The following LRCH3 variants were observed in gnomAD, a reference collection of about 807,000 sequenced individuals.
LRCH3 encodes the protein leucine rich repeats and calponin homology domain containing 3.
Under a neutral mutation model 104.5 loss-of-function variants are expected in LRCH3, and 68 were observed. The observed-to-expected ratio is 0.65, with a 90% CI of 0.54 to 0.80. The LOEUF (loss-of-function observed/expected upper bound fraction) is 0.80. Ranked by LOEUF, LRCH3 falls within the 30% of genes least tolerant of loss-of-function variation. The probability of loss-of-function intolerance (pLI) is 0.00; values close to 1 mark genes in which losing one functional copy is unlikely to be tolerated. For synonymous variants in LRCH3, 344 were observed against 361.3 expected (o/e 0.95, Z 0.54); for missense variants, 951 against 953.9 (o/e 1.00, Z 0.04).
At chr3:197,837,523 C>G (rs937863392) in intron 9 of LRCH3, among the ~76,000 whole-genome samples, 3 of 152,078 alleles carry the variant, frequency 2.0e-5, no homozygotes, top group African/African-American at 7.2e-5. Flanking sequence ...AGTGAAGTAT[C>G]TTTTTATTTT....
In LRCH3 at chr3:197,870,208, C is replaced by T. The variant is rs766755416; in HGVS notation, c.1922C>T (p.Thr641Ile). The part of the protein sequence containing the change: ...PPSAAPTTDS[T>I]DSITGQNSRQ... Reference sequence around the variant, plus strand: ...TCTGCTGCACCTACCACTGATTCTACAGATTCCATAACAGGACAGAATTCA... The same window carrying T: ...TCTGCTGCACCTACCACTGATTCTATAGATTCCATAACAGGACAGAATTCA... The change falls in exon 18 of 21, where the codon ACA (threonine) becomes ATA (isoleucine). Residue 641 changes from threonine to isoleucine, a missense_variant. By Grantham distance (89) the Thr-to-Ile change is moderately conservative. Transcript: ENST00000425562. 9.9e-6 allele frequency: 16 copies of T among 1,612,940 alleles called. No individual in the cohort carries two copies. Among genetic ancestry groups the T allele is most frequent in the Non-Finnish European group, 1.4e-5 (16 of 1,178,974 alleles).
chr3:197,838,428 C>T (rs188671849), intron 9 of LRCH3, among the ~76,000 whole-genome samples: 1 of 143,788 alleles, frequency 7.0e-6, no homozygotes, highest in East Asian at 2.0e-4. Flanking sequence ...TGTGATATAC[C>T]TGTTTCTTGG....
chr3:197,835,539 TTTA>T, intron 8 of LRCH3, 132 bp from the exon 9 acceptor site: 1 of 1,317,838 alleles, frequency 7.6e-7, no homozygotes, highest in Non-Finnish European at 9.8e-7. Context: ...ATTTAAAGTT[TTTA>T]TCATCCCTCC....
At chr3:197,859,202 T>A (rs1740608435) in intron 15 of LRCH3, 2 of 332,068 alleles carry the variant, frequency 6.0e-6, no homozygotes, top group African/African-American at 2.2e-5. Context: ...GGTTAGTATA[T>A]AATATTGAAT....
At chr3:197,806,318 G>C (rs541061285) in intron 1 of LRCH3, among the ~76,000 whole-genome samples, 1 of 151,450 alleles carries the variant, frequency 6.6e-6, no homozygotes, top group Non-Finnish European at 1.5e-5. Context: ...TAGAGACAGG[G>C]ATCTTACTGT....
In LRCH3 at chr3:197,885,051, C is replaced by G. The variant is rs1198781049; in HGVS notation, c.*1385C>G. 2 of 152,218 alleles carry G rather than the reference C, an allele frequency of 1.3e-5. No homozygotes were observed. The highest frequency in any genetic ancestry group is 2.9e-5 in the Non-Finnish European group (2 of 68,052). The allele number at this position is 152,218 out of a possible 1,614,324, so 9.4% of individuals were successfully genotyped here. Reference sequence around the variant, plus strand: ...GTTATCTGGACATTATAATAAACAACAAGCCCTCTATACACAGGTTCCAAA... The same window carrying G: ...GTTATCTGGACATTATAATAAACAAGAAGCCCTCTATACACAGGTTCCAAA... On this transcript the variant is annotated 3_prime_UTR_variant, in exon 21 of 21. Coordinates refer to ENST00000425562, the MANE Select transcript of LRCH3 (RefSeq NM_001365715.1).
intron 7 of LRCH3, 130 bp downstream of exon 7, chr3:197,830,993 A>C: frequency 1.4e-6 from 1 of 736,422 alleles, no homozygotes. Context: ...GGTGGAGGCA[A>C]GATTCCCACC....
At chr3:197,847,705 C>T (rs570470545) in intron 11 of LRCH3, 167 bp from the exon 12 acceptor site, 601 of 24,672 alleles carry the variant, frequency 0.024, 7 homozygotes, top group South Asian at 0.23. Context: ...ATATAAGAAC[C>T]GTGCAAAGAC....
intron 1 of LRCH3, among the ~76,000 whole-genome samples, chr3:197,794,134 C>T (rs928914652): frequency 8.5e-5 from 13 of 152,278 alleles, no homozygotes; most frequent in African/African-American, 2.4e-4. Context: ...TTATAGCTAT[C>T]ACCACTATAT....
intron 12 of LRCH3, among the ~76,000 whole-genome samples, chr3:197,849,565 C>T (rs1196710245): frequency 6.6e-6 from 1 of 152,050 alleles, no homozygotes; most frequent in African/African-American, 2.4e-5. Flanking sequence ...TCCCTTAAGT[C>T]CCTGCTTGAT....
chr3:197,830,179 A>G (rs1047040609), intron 6 of LRCH3, among the ~76,000 whole-genome samples: 11 of 152,158 alleles, frequency 7.2e-5, no homozygotes, highest in African/African-American at 2.4e-4. Context: ...GGATCTTTTA[A>G]TCTATGAGTC....
At chr3:197,858,701 G>A (rs937367282) in intron 14 of LRCH3, 133 bp from the exon 15 acceptor site, 2 of 759,522 alleles carry the variant, frequency 2.6e-6, no homozygotes, top group African/African-American at 1.7e-5. Context: ...TGCCCTGTCA[G>A]TAGCTTAGTA....
At chr3:197,843,034 G>A (rs933335299) in intron 10 of LRCH3, among the ~76,000 whole-genome samples, 4 of 149,942 alleles carry the variant, frequency 2.7e-5, no homozygotes, top group Non-Finnish European at 5.9e-5. Context: ...GCAGTGAGCC[G>A]AGATTGCACC....
At chr3:197,840,748 T>C (rs1298620221) in intron 10 of LRCH3, among the ~76,000 whole-genome samples, 1 of 152,056 alleles carries the variant, frequency 6.6e-6, no homozygotes, top group Non-Finnish European at 1.5e-5. Context: ...CTGTGACATT[T>C]ATACTCTTAT....
At chr3:197,803,124 A>C (rs969945549) in intron 1 of LRCH3, among the ~76,000 whole-genome samples, 1 of 152,236 alleles carries the variant, frequency 6.6e-6, no homozygotes, top group Non-Finnish European at 1.5e-5. Flanking sequence ...TTATAATAAA[A>C]GGAATAAAAA....
Position 197,850,888 on chromosome 3 carries a change from G to A in LRCH3, c.1531-1673G>A, listed in dbSNP as rs193129796. ...CCACGAGTGTTCTTAAAGTGAACAC[G>A]AAGATTGGAACCTCTTGATTTGCAT... On this transcript the variant is annotated intron_variant, in intron 12 of 20. Coordinates refer to ENST00000425562, the MANE Select transcript of LRCH3 (RefSeq NM_001365715.1). The A allele has an allele frequency of 5.7e-6, 5 of 878,148 alleles. No homozygotes were observed. In the Admixed American group the frequency reaches 6.8e-5, roughly 12 times the overall value. The allele number at this position is 878,148 out of a possible 1,614,324, so 54.4% of individuals were successfully genotyped here.
rs367579654 is a variant in LRCH3 at position 197,814,924 on chromosome 3, C to T, written c.279C>T (p.Arg93=). The T allele has an allele frequency of 8.2e-6, 13 of 1,593,646 alleles. No individual in the cohort carries two copies. In the African/African-American group the frequency reaches 1.5e-4, roughly 18 times the overall value. ...DTTRADLSRN[R]LSEIPIEACH... is the part of the protein sequence containing the mutation. ...TTCTTTTAGACCTGTCGCGAAATCGCCTTTCAGAAATTCCTATAGAAGCAT... is the reference window on the plus strand; with the variant it reads ...TTCTTTTAGACCTGTCGCGAAATCGTCTTTCAGAAATTCCTATAGAAGCAT... The change falls in exon 2 of 21, where the codon CGC becomes CGT. Residue 93 remains arginine, a synonymous_variant. Transcript: ENST00000425562.
rs1740234334 is a variant in LRCH3, at chr3:197,856,253, T to TTA, written c.1644+1808_1644+1809insTA. On this transcript the variant is annotated intron_variant, in intron 14 of 20. Transcript: ENST00000425562. The surrounding 1 kb of genome is among the most constrained non-coding windows in gnomAD (Gnocchi z 4.2). The stretch of plus-strand genomic sequence containing the variant: ...TTAAATCAGCCCACAGTTTGACAGT[T>TTA]AAATAAACTGACAGGAGCTCCAGTG... Among the ~76,000 whole-genome samples the TTA allele has an allele frequency of 2.6e-5, 4 of 152,148 alleles. No individual in the cohort carries two copies. In the South Asian group the frequency reaches 8.3e-4, roughly 31 times the overall value.
rs1247471358 is a variant in LRCH3 at position 197,852,763 on chromosome 3, A to C, written c.1590+143A>C. 23 of 804,842 alleles carry C rather than the reference A, an allele frequency of 2.9e-5. No individual in the cohort carries two copies. The Admixed American group carries it at 5.6e-4, about 20-fold the overall frequency. 49.9% of individuals were successfully genotyped at this position (804,842 alleles called of 1,614,324 possible). On this transcript the variant is annotated intron_variant, in intron 13 of 20. Coordinates refer to ENST00000425562, the MANE Select transcript of LRCH3 (RefSeq NM_001365715.1). ...CCTCACAATATTCTCCTTATGAGGG[A>C]GATGATACAAGCCAAGGAGTTTACT...
Sources: gnomAD v4.1 joint callset for allele counts (sites outside exome capture counted in the v4.1 genomes callset) on GRCh38, gnomAD v4.1.1 for gene constraint, Gnocchi (gnomAD v3.1) non-coding constraint, MANE v1.5 for transcripts, NCBI Gene and HGNC (gene_info 2026-07-23, HGNC 2026-07-21) for gene names.